Variants in MICAL3 observed in about 807,000 individuals in gnomAD.
The protein encoded by MICAL3 is [F-actin]-monooxygenase MICAL3.
A neutral mutation model predicts 207.4 loss-of-function variants in MICAL3; 62 were observed. The observed-to-expected ratio is 0.30, with a 90% confidence interval of 0.24 to 0.37. MICAL3 has a LOEUF of 0.37. Among genes scored for constraint, MICAL3 ranks in the 10% least tolerant of loss-of-function variants. MICAL3 has a pLI of 1.00. For missense variants in MICAL3, 2,368 were observed against 2,635.6 expected, an observed-to-expected ratio of 0.90 and a Z score of 2.22; for synonymous variants, 1,077 against 1,069.3, an observed-to-expected ratio of 1.01 and a Z score of -0.14.
intron 5 of MICAL3, 45 bp downstream of exon 5, chr22:17,901,833 G>C (rs780887565): frequency 6.8e-7 from 1 of 1,479,524 alleles, no homozygotes; most frequent in Admixed American, 1.7e-5. Flanking sequence ...GATAGCATCA[G>C]CTTTCCCTCT....
chr22:18,008,911 G>A lies in MICAL3; in HGVS notation c.-75+15370C>T, dbSNP rs1203235576. On this transcript the variant is annotated intron_variant, in intron 1 of 31. Transcript: ENST00000441493. Reference sequence around the variant, plus strand: ...TACACTCCAGCCTGGGCGACACAGCGAGAGGCTGTCTCTTCAAAAAAGGGA... The same window carrying A: ...TACACTCCAGCCTGGGCGACACAGCAAGAGGCTGTCTCTTCAAAAAAGGGA... 6.8e-4 allele frequency among the ~76,000 whole-genome samples: 103 copies of A among 151,902 alleles called. 1 individual carries two copies. The highest frequency in any genetic ancestry group is 9.7e-4 in the Non-Finnish European group (66 of 67,984).
intron 19 of MICAL3, among the ~76,000 whole-genome samples, chr22:17,852,699 G>C (rs892985714): frequency 1.3e-5 from 2 of 152,156 alleles, no homozygotes; most frequent in Admixed American, 1.3e-4. Context: ...CTGGGACCAC[G>C]CATAAACCCT....
intron 1 of MICAL3, among the ~76,000 whole-genome samples, chr22:17,919,538 G>A (rs537125747): frequency 3.3e-5 from 5 of 152,354 alleles, no homozygotes; most frequent in African/African-American, 1.2e-4. Flanking sequence ...ACTTCTCCAG[G>A]CAGAACTGAG....
At position 17,929,604 on chromosome 22, in the gene MICAL3, G is replaced by A. The variant is rs147441737; in HGVS notation, c.-74-22718C>T. Among the ~76,000 whole-genome samples the A allele has an allele frequency of 3.0e-3, 324 of 107,304 alleles. 4 individuals carry two copies. The highest frequency in any genetic ancestry group is 6.1e-3 in the South Asian group (21 of 3,428). The allele number at this position is 107,304 out of a possible 152,430, so 70.4% of individuals were successfully genotyped here. A position where few individuals can be genotyped will look rare whatever the true frequency, so the allele number is the denominator to read the frequency against. On this transcript the variant is annotated intron_variant, in intron 1 of 31. Coordinates refer to ENST00000441493, the MANE Select transcript of MICAL3 (RefSeq NM_015241.3). ...TTTTTTTTTGACAGGGTCTTGCTCT[G>A]TTGCCCAGGTTGGAGTGCAGTGGCG...
intron 1 of MICAL3, among the ~76,000 whole-genome samples, chr22:17,962,733 G>C (rs1237168405): frequency 9.0e-6 from 1 of 111,198 alleles, no homozygotes; most frequent in East Asian, 2.0e-4. Flanking sequence ...TGAAGCAAAT[G>C]AGCTACACAG....
rs200084891 is a variant in MICAL3 at position 17,876,802 on chromosome 22, TGGAGGTTAGGGAGGTTAG to T, written c.2242-4797_2242-4780del. On this transcript the variant is annotated intron_variant, in intron 16 of 31. Transcript: ENST00000441493. The stretch of plus-strand genomic sequence containing the variant: ...GAGGTTAGGGAGGTTAGGGAAGTTA[TGGAGGTTAGGGAGGTTAG>T]GGAGGTTATGGAGGTTAGGGAGGTT... 2.9e-4 allele frequency: 16 copies of T among 54,562 alleles called. No homozygotes were observed. In the East Asian group the frequency reaches 4.4e-3, roughly 15 times the overall value. 3.4% of individuals were successfully genotyped at this position (54,562 alleles called of 1,614,324 possible).
intron 1 of MICAL3, among the ~76,000 whole-genome samples, chr22:17,907,209 T>C (rs899553563): frequency 7.3e-6 from 1 of 136,074 alleles, no homozygotes; most frequent in Non-Finnish European, 1.6e-5. Flanking sequence ...AAGTCACTAT[T>C]GGTGGTGAAG....
intron 20 of MICAL3, among the ~76,000 whole-genome samples, chr22:17,837,357 T>C (rs1923508195): frequency 6.6e-6 from 1 of 152,242 alleles, no homozygotes; most frequent in Admixed American, 6.5e-5. Flanking sequence ...CAGCAACGCC[T>C]GCCATCCACT....
chr22:17,899,690 C>T (rs1931160240), intron 6 of MICAL3, 142 bp from the exon 7 acceptor site: 5 of 628,830 alleles, frequency 8.0e-6, no homozygotes, highest in South Asian at 3.8e-5. Context: ...CAGATTCTCA[C>T]GTCCTGTATC....
chr22:17,965,194 A>AG (rs1602306440), intron 1 of MICAL3, among the ~76,000 whole-genome samples: 1 of 151,914 alleles, frequency 6.6e-6, no homozygotes, highest in East Asian at 1.9e-4. Flanking sequence ...AAAAAAAAAA[A>AG]AAAAAAAAAG....
At chr22:17,940,924 T>C (rs1289405812) in intron 1 of MICAL3, among the ~76,000 whole-genome samples, 1 of 152,150 alleles carries the variant, frequency 6.6e-6, no homozygotes, top group Non-Finnish European at 1.5e-5. Flanking sequence ...ATCAGAGCCC[T>C]GGGTAGAATT....
chr22:17,980,795 C>T (rs1029691310), intron 1 of MICAL3: 5 of 476,462 alleles, frequency 1.0e-5, no homozygotes, highest in African/African-American at 4.5e-5. Context: ...ACCAGCTGCC[C>T]GTCTGCTCCT....
intron 1 of MICAL3, among the ~76,000 whole-genome samples, chr22:18,012,393 G>A (rs944376299): frequency 3.9e-5 from 6 of 152,212 alleles, no homozygotes; most frequent in Non-Finnish European, 8.8e-5. Flanking sequence ...TGGGCCTCAG[G>A]CCTCGGCCCT....
At position 17,788,318 on chromosome 22, in the gene MICAL3, G is replaced by C. The variant is rs2061802178; in HGVS notation, c.*2414C>G. 1 of 152,328 alleles carries C rather than the reference G, an allele frequency of 6.6e-6. No homozygotes were observed. Among genetic ancestry groups the C allele is most frequent in the Non-Finnish European group, 1.5e-5 (1 of 68,106 alleles). 9.4% of individuals were successfully genotyped at this position (152,328 alleles called of 1,614,324 possible). ...TTCCAGACTGCAGGCTGCCGTGTGT[G>C]CTGTGGAGGATGCCACAGTGTTAAG... On this transcript the variant is annotated 3_prime_UTR_variant, in exon 32 of 32. Transcript: ENST00000441493.
At chr22:17,980,394 C>T (rs1935853939) in intron 1 of MICAL3, among the ~76,000 whole-genome samples, 1 of 152,158 alleles carries the variant, frequency 6.6e-6, no homozygotes, top group South Asian at 2.1e-4. Flanking sequence ...GAATTAACGG[C>T]CTCCTCCACA....
chr22:17,887,285 A>G (rs765332442), intron 14 of MICAL3, 38 bp downstream of exon 14: 14 of 1,610,506 alleles, frequency 8.7e-6, no homozygotes, highest in Middle Eastern at 1.6e-4. Context: ...ATACCTTGCC[A>G]TTAGCTTTGC....
chr22:17,888,754 G>A (rs1427871451), intron 13 of MICAL3, among the ~76,000 whole-genome samples: 8 of 152,334 alleles, frequency 5.3e-5, no homozygotes, highest in South Asian at 4.1e-4. Context: ...CTGAGAGCAC[G>A]AGCACTAGAA....
chr22:17,950,685 G>A (rs1476324774), intron 1 of MICAL3, among the ~76,000 whole-genome samples: 1 of 152,086 alleles, frequency 6.6e-6, no homozygotes, highest in East Asian at 1.9e-4. Context: ...TGCACCACTC[G>A]GTTGCCAGGA....
intron 1 of MICAL3, among the ~76,000 whole-genome samples, chr22:17,937,145 A>G (rs1933576286): frequency 6.6e-6 from 1 of 152,254 alleles, no homozygotes; most frequent in Non-Finnish European, 1.5e-5. Flanking sequence ...CCTGAGTCGC[A>G]CAGCAAGCTA....
Sources: gnomAD v4.1 joint callset for allele counts (sites outside exome capture counted in the v4.1 genomes callset) on GRCh38, gnomAD v4.1.1 for gene constraint, MANE v1.5 for transcripts, NCBI Gene and HGNC (gene_info 2026-07-23, HGNC 2026-07-21) for gene names.